The following NBEA variants were observed in gnomAD, a reference collection of about 807,000 sequenced individuals.
The protein encoded by NBEA is neurobeachin.
A neutral mutation model predicts 343.4 loss-of-function variants in NBEA; 44 were observed. The observed-to-expected ratio is 0.13, with a 90% CI of 0.10 to 0.16. NBEA has a LOEUF of 0.16. Ranked by LOEUF, NBEA falls within the 10% of genes least tolerant of loss-of-function variation. NBEA has a pLI of 1.00. For missense variants in NBEA, 2,555 were observed against 3,631.3 expected (o/e 0.70, Z 7.62); for synonymous variants, 1,175 against 1,238.7 (o/e 0.95, Z 1.08).
At chr13:35,271,600 A>G (rs926497518) in intron 34 of NBEA, among the ~76,000 whole-genome samples, 2 of 152,168 alleles carry the variant, frequency 1.3e-5, no homozygotes, top group African/African-American at 2.4e-5. Context: ...GGAAGCTAAA[A>G]ATCTTGAAAA....
intron 40 of NBEA, among the ~76,000 whole-genome samples, chr13:35,459,492 A>G (rs1012672917): frequency 1.8e-4 from 24 of 131,628 alleles, no homozygotes; most frequent in Non-Finnish European, 3.0e-4. Context: ...ATTGTGATAG[A>G]AAAAAAAAAA....
intron 10 of NBEA, among the ~76,000 whole-genome samples, chr13:35,086,167 T>C (rs947648223): frequency 2.0e-5 from 3 of 152,142 alleles, no homozygotes; most frequent in South Asian, 4.2e-4. Flanking sequence ...AGGTAATTTA[T>C]AGATTCAGTG....
chr13:35,566,944 C>T lies in NBEA; in HGVS notation c.6962C>T (p.Pro2321Leu), dbSNP rs2080164874. The change falls in exon 45 of 59, where the codon CCG (proline) becomes CTG (leucine). Residue 2321 changes from proline to leucine, a missense_variant. Physicochemically the swap from Pro to Leu is moderately conservative, Grantham distance 98. Coordinates refer to ENST00000379939, the MANE Select transcript of NBEA (RefSeq NM_001385012.1). ...YNDLNQYPVF[P>L]WVLTNYESEE... is the part of the protein sequence containing the mutation. ...GATCTGAACCAATATCCAGTGTTTCCGTGGGTGTTAACCAACTATGAATCA... is the reference window on the plus strand; with the variant it reads ...GATCTGAACCAATATCCAGTGTTTCTGTGGGTGTTAACCAACTATGAATCA... 3 of 1,612,248 alleles carry T rather than the reference C, an allele frequency of 1.9e-6. No homozygotes were observed. The highest frequency in any genetic ancestry group is 2.7e-5 in the African/African-American group (2 of 74,870).
chr13:35,667,172 C>T (rs1382444617), intron 56 of NBEA, among the ~76,000 whole-genome samples: 3 of 152,134 alleles, frequency 2.0e-5, no homozygotes, highest in South Asian at 2.1e-4. Flanking sequence ...AAGCGTGCGG[C>T]GTAGGAGTGT....
chr13:35,609,988 C>T (rs1218442237), intron 48 of NBEA, among the ~76,000 whole-genome samples: 3 of 152,122 alleles, frequency 2.0e-5, no homozygotes, highest in Admixed American at 1.3e-4. Context: ...CTGATGCTTC[C>T]AAATGCAGAC....
intron 38 of NBEA, among the ~76,000 whole-genome samples, chr13:35,387,915 T>G (rs530381410): frequency 6.6e-6 from 1 of 152,276 alleles, no homozygotes; most frequent in South Asian, 2.1e-4. Context: ...GGAGATATAG[T>G]AATCATCATC....
intron 41 of NBEA, among the ~76,000 whole-genome samples, chr13:35,524,696 A>C (rs776126876): frequency 6.6e-6 from 1 of 152,246 alleles, no homozygotes; most frequent in Non-Finnish European, 1.5e-5. Context: ...ATTTAAAATA[A>C]CATTAAACTA....
intron 38 of NBEA, among the ~76,000 whole-genome samples, chr13:35,387,498 A>G (rs1245688960): frequency 1.3e-5 from 2 of 152,132 alleles, no homozygotes; most frequent in African/African-American, 2.4e-5. Context: ...ACCAAAAACA[A>G]CGAAAACAAA....
At chr13:35,099,955 G>C (rs956722731) in intron 11 of NBEA, among the ~76,000 whole-genome samples, 4 of 151,996 alleles carry the variant, frequency 2.6e-5, no homozygotes, top group African/African-American at 9.7e-5. Flanking sequence ...TTTCTTATCA[G>C]TTAGTTAACT....
chr13:35,442,876 T>G (rs898741317), intron 39 of NBEA, among the ~76,000 whole-genome samples: 2 of 152,134 alleles, frequency 1.3e-5, no homozygotes, highest in Admixed American at 1.3e-4. Flanking sequence ...TCTGTTACTC[T>G]GAGGCAGTTC....
chr13:35,071,086 C>A (rs1423317656), intron 10 of NBEA: 2 of 322,140 alleles, frequency 6.2e-6, no homozygotes, highest in African/African-American at 2.1e-5. Context: ...ATAGAAAATT[C>A]TTACCAAAGA....
Position 35,216,175 on chromosome 13 carries a change from A to G in NBEA, c.5648+4996A>G, listed in dbSNP as rs149065523. ...AATATTTTTAGAGTGTTTTTTTTCTATTATGTGAATTCTGCTCTTATTACT... is the reference window on the plus strand; with the variant it reads ...AATATTTTTAGAGTGTTTTTTTTCTGTTATGTGAATTCTGCTCTTATTACT... On this transcript the variant is annotated intron_variant, in intron 33 of 58. Transcript: ENST00000379939. Among the ~76,000 whole-genome samples, 58 of 151,072 alleles carry G rather than the reference A, an allele frequency of 3.8e-4. No individual in the cohort carries two copies. In the East Asian group the frequency reaches 8.7e-3, roughly 23 times the overall value.
intron 33 of NBEA, among the ~76,000 whole-genome samples, chr13:35,227,743 G>A (rs1302254605): frequency 6.6e-6 from 1 of 151,864 alleles, no homozygotes; most frequent in Non-Finnish European, 1.5e-5. Flanking sequence ...AATACAAAAA[G>A]TAAATAAAAT....
At chr13:35,607,279 A>C (rs1011228736) in intron 48 of NBEA, among the ~76,000 whole-genome samples, 1 of 151,982 alleles carries the variant, frequency 6.6e-6, no homozygotes, top group African/African-American at 2.4e-5. Context: ...CTGATCTTGA[A>C]CTCCGGGGAT....
At chr13:35,209,481 T>C (rs1238040218) in intron 32 of NBEA, among the ~76,000 whole-genome samples, 1 of 152,176 alleles carries the variant, frequency 6.6e-6, no homozygotes, top group Non-Finnish European at 1.5e-5. Context: ...ATTACAAATA[T>C]TAAAAGTCTG....
chr13:35,063,707 G>C (rs1350432548), intron 8 of NBEA, among the ~76,000 whole-genome samples: 4 of 151,938 alleles, frequency 2.6e-5, no homozygotes, highest in African/African-American at 7.2e-5. Context: ...GAGAAAAGGT[G>C]GAAATAGGGA....
intron 13 of NBEA, among the ~76,000 whole-genome samples, chr13:35,111,913 CTTTTTTTTTT>C (rs773135374): frequency 1.8e-4 from 22 of 122,752 alleles, no homozygotes; most frequent in Middle Eastern, 4.6e-3. Flanking sequence ...TAACACTTTC[CTTTTTTTTTT>C]TTTTTTTTTT....
At chr13:35,612,386 C>A (rs1157369427) in intron 48 of NBEA, among the ~76,000 whole-genome samples, 1 of 152,144 alleles carries the variant, frequency 6.6e-6, no homozygotes, top group African/African-American at 2.4e-5. Context: ...CCCACGTTGA[C>A]CTCCCAAAGT....
At chr13:35,138,000 T>A (rs2067838607) in intron 17 of NBEA, among the ~76,000 whole-genome samples, 1 of 152,040 alleles carries the variant, frequency 6.6e-6, no homozygotes, top group African/African-American at 2.4e-5. Flanking sequence ...AAGGAATAAT[T>A]TTCCTGATAT....
Sources: allele counts gnomAD v4.1 joint callset (sites outside exome capture counted in the v4.1 genomes callset), GRCh38; gene constraint gnomAD v4.1.1; transcripts MANE v1.5; gene names NCBI Gene and HGNC (gene_info 2026-07-23, HGNC 2026-07-21).